COL23A1: variants seen among roughly 807,000 people sequenced by gnomAD.
COL23A1 encodes collagen type XXIII alpha 1 chain.
COL23A1 carries 97 observed loss-of-function variants against 99.3 expected under a neutral mutation model. The ratio of observed to expected loss-of-function variants is 0.98; its 90% confidence interval spans 0.83 to 1.16. The LOEUF (loss-of-function observed/expected upper bound fraction) is 1.16. Ranked by LOEUF, COL23A1 falls within the 50% of genes most tolerant of loss-of-function variation. COL23A1 has a pLI of 0.00. For missense variants in COL23A1, 762 were observed against 757.4 expected (o/e 1.01, Z -0.07); for synonymous variants, 320 against 308.2 (o/e 1.04, Z -0.40).
At chr5:178,572,310 G>A (rs1047695248) in intron 1 of COL23A1, among the ~76,000 whole-genome samples, 9 of 151,890 alleles carry the variant, frequency 5.9e-5, no homozygotes, top group African/African-American at 2.2e-4. Context: ...ATGTGTAATT[G>A]GAGTCACCAA....
chr5:178,324,847 T>C (rs567951457), intron 2 of COL23A1, among the ~76,000 whole-genome samples: 2 of 152,156 alleles, frequency 1.3e-5, no homozygotes, highest in African/African-American at 4.8e-5. Flanking sequence ...GCCACCTACC[T>C]GGGAGCTCGG....
At chr5:178,336,252 C>T (rs940119227) in intron 2 of COL23A1, among the ~76,000 whole-genome samples, 4 of 152,184 alleles carry the variant, frequency 2.6e-5, no homozygotes, top group African/African-American at 4.8e-5. Context: ...TCCCAAATAA[C>T]TGAAAACAAG....
At chr5:178,247,631 T>C in intron 21 of COL23A1, 79 bp from the exon 22 acceptor site, 1 of 1,586,816 alleles carries the variant, frequency 6.3e-7, no homozygotes, top group Non-Finnish European at 8.6e-7. Flanking sequence ...TGGGGCCCTG[T>C]CCTGGGCTCT....
intron 2 of COL23A1, among the ~76,000 whole-genome samples, chr5:178,530,680 C>T (rs1316117234): frequency 6.6e-6 from 1 of 151,204 alleles, no homozygotes; most frequent in Non-Finnish European, 1.5e-5. Context: ...GTAGATGTTG[C>T]AGCCACAGCT....
intron 2 of COL23A1, among the ~76,000 whole-genome samples, chr5:178,535,009 C>T (rs554814): frequency 0.53 from 73,269 of 136,960 alleles, 19,027 homozygotes; most frequent in Non-Finnish European, 0.59. Flanking sequence ...TCACTTTTGT[C>T]GCCCAGGCTG....
intron 1 of COL23A1, among the ~76,000 whole-genome samples, chr5:178,565,679 T>G (rs1762808854): frequency 6.6e-6 from 1 of 152,170 alleles, no homozygotes; most frequent in Non-Finnish European, 1.5e-5. Flanking sequence ...GCTGGGATTC[T>G]TATTACACCC....
At chr5:178,425,278 C>T (rs897270225) in intron 2 of COL23A1, among the ~76,000 whole-genome samples, 7 of 151,816 alleles carry the variant, frequency 4.6e-5, no homozygotes, top group South Asian at 2.1e-4. Flanking sequence ...CAAAATTAGC[C>T]GGGCATGGTA....
chr5:178,362,058 G>T (rs1762200941), intron 2 of COL23A1, among the ~76,000 whole-genome samples: 1 of 152,186 alleles, frequency 6.6e-6, no homozygotes, highest in Non-Finnish European at 1.5e-5. Context: ...CAGATACGGG[G>T]TCATTGTTAC....
chr5:178,563,787 C>G (rs1364982386), intron 1 of COL23A1, among the ~76,000 whole-genome samples: 1 of 152,106 alleles, frequency 6.6e-6, no homozygotes, highest in African/African-American at 2.4e-5. Context: ...CTGCCTTGGC[C>G]TCTCAAAGTG....
rs112737148 is a variant in COL23A1 at position 178,363,239 on chromosome 5, C to A, written c.362-56320G>T. Among the ~76,000 whole-genome samples, 666 of 152,098 alleles carry A rather than the reference C, an allele frequency of 4.4e-3. 4 individuals are homozygous for A. Among genetic ancestry groups the A allele is most frequent in the African/African-American group, 0.015 (637 of 41,456 alleles). On this transcript the variant is annotated intron_variant, in intron 2 of 28. Coordinates refer to ENST00000390654, the MANE Select transcript of COL23A1 (RefSeq NM_173465.4). ...GAGTTACAGTGTATCAAGGTTTTAT[C>A]ACATGTTAATTCTGGCCTCTCCTAT...
intron 2 of COL23A1, among the ~76,000 whole-genome samples, chr5:178,547,166 C>T (rs1761628446): frequency 6.6e-6 from 1 of 152,076 alleles, no homozygotes; most frequent in African/African-American, 2.4e-5. Context: ...GAATACATTT[C>T]CGTGACACTG....
At chr5:178,435,451 G>A (rs753624735) in intron 2 of COL23A1, among the ~76,000 whole-genome samples, 12 of 152,030 alleles carry the variant, frequency 7.9e-5, no homozygotes, top group Non-Finnish European at 1.8e-4. Context: ...GGAGCCCTGA[G>A]CTGGGCACAG....
At chr5:178,358,853 TATTAAATGC>T (rs1367030393) in intron 2 of COL23A1, among the ~76,000 whole-genome samples, 14 of 152,182 alleles carry the variant, frequency 9.2e-5, no homozygotes, top group Admixed American at 9.2e-4. Context: ...TGCACCTATA[TATTAAATGC>T]CTGTTTATAA....
rs150513356 is a variant in COL23A1 at position 178,261,239 on chromosome 5, C to T, written c.702+483G>A. ...ACTAGCCTGGCCAACATGGTGAAAC[C>T]CCATTTCTCCTAAAAATACAAAAAA... is the stretch of plus-strand genomic sequence containing the variant. On this transcript the variant is annotated intron_variant, in intron 11 of 28. Coordinates refer to ENST00000390654, the MANE Select transcript of COL23A1 (RefSeq NM_173465.4). Among the ~76,000 whole-genome samples, 788 of 152,042 alleles carry T rather than the reference C, an allele frequency of 5.2e-3. 6 individuals carry two copies. The highest frequency in any genetic ancestry group is 0.018 in the African/African-American group (757 of 41,476).
At chr5:178,262,794 A>C (rs1765706689) in intron 9 of COL23A1, among the ~76,000 whole-genome samples, 2 of 152,106 alleles carry the variant, frequency 1.3e-5, no homozygotes, top group Non-Finnish European at 2.9e-5. Context: ...AGGTCAGCTT[A>C]GGGTCTCTGG....
intron 2 of COL23A1, chr5:178,523,673 T>C (rs1760146801): frequency 6.6e-6 from 1 of 152,118 alleles, no homozygotes; most frequent in South Asian, 2.1e-4. Flanking sequence ...GCCGTAAGTG[T>C]TTCCATCACC....
At chr5:178,357,742 ACG>A (rs1561894500) in intron 2 of COL23A1, among the ~76,000 whole-genome samples, 4 of 100,504 alleles carry the variant, frequency 4.0e-5, no homozygotes, top group African/African-American at 1.3e-4. Flanking sequence ...GTGTGTATGT[ACG>A]TGTATGTGTG....
chr5:178,466,736 T>C (rs570007785), intron 2 of COL23A1, among the ~76,000 whole-genome samples: 2 of 152,336 alleles, frequency 1.3e-5, no homozygotes, highest in South Asian at 4.1e-4. Flanking sequence ...TGGGTGTCTG[T>C]ATGGGATCCA....
chr5:178,472,985 T>C (rs1360488984), intron 2 of COL23A1, among the ~76,000 whole-genome samples: 1 of 151,982 alleles, frequency 6.6e-6, no homozygotes, highest in Non-Finnish European at 1.5e-5. Context: ...TTAGCGGATG[T>C]GGTCACACGC....
Sources: gnomAD v4.1 joint callset for allele counts (sites outside exome capture counted in the v4.1 genomes callset) on GRCh38, gnomAD v4.1.1 for gene constraint, MANE v1.5 for transcripts, NCBI Gene and HGNC (gene_info 2026-07-23, HGNC 2026-07-21) for gene names.